Variants in URI1 observed in about 807,000 individuals in gnomAD.
URI1 encodes the protein unconventional prefoldin RPB5 interactor 1.
URI1 carries 39 observed loss-of-function variants against 60.2 expected under a neutral mutation model. That is an observed-to-expected ratio of 0.65 (90% CI 0.50 to 0.85). The LOEUF (loss-of-function observed/expected upper bound fraction) is 0.85, where lower values mean the gene tolerates loss of function less well. URI1 is among the 40% of genes least tolerant of loss of function. The probability of loss-of-function intolerance (pLI) is 0.00; values close to 1 mark genes in which losing one functional copy is unlikely to be tolerated. For synonymous variants in URI1, 251 were observed against 236.8 expected (o/e 1.06, Z -0.55); for missense variants, 691 against 665.9 (o/e 1.04, Z -0.42).
chr19:30,010,959 G>A (rs2056009764), intron 8 of URI1, 135 bp from the exon 9 acceptor site: 2 of 898,408 alleles, frequency 2.2e-6, no homozygotes, highest in African/African-American at 3.5e-5. Flanking sequence ...ATCTGATAAT[G>A]CACATCATTT....
At chr19:29,992,792 A>C (rs193026525) in intron 4 of URI1, among the ~76,000 whole-genome samples, 1 of 152,222 alleles carries the variant, frequency 6.6e-6, no homozygotes, top group Non-Finnish European at 1.5e-5. Flanking sequence ...TCTACAGTAT[A>C]GACAAGTTTT....
rs1223356331 is a variant in URI1, at chr19:29,964,504, G to A, written c.118-6689G>A. Among the ~76,000 whole-genome samples, 6 of 120,046 alleles carry A rather than the reference G, an allele frequency of 5.0e-5. No homozygotes were observed. In the Admixed American group the frequency reaches 6.1e-4, roughly 12 times the overall value. 78.8% of individuals were successfully genotyped at this position (120,046 alleles called of 152,430 possible). On this transcript the variant is annotated intron_variant, in intron 1 of 10. Transcript: ENST00000392271. Reference sequence around the variant, plus strand: ...TTTGAGACGGAGTTTTGCTCTCGTTGCCCAGGCTGGAGTGCAATGGCGTGA... The same window carrying A: ...TTTGAGACGGAGTTTTGCTCTCGTTACCCAGGCTGGAGTGCAATGGCGTGA...
rs1463853521 is a variant in URI1, at chr19:29,942,677, C to T, written c.117+13C>T. 1.4e-6 allele frequency: 2 copies of T among 1,385,782 alleles called. No homozygotes were observed. Among genetic ancestry groups the T allele is most frequent in the Non-Finnish European group, 9.3e-7 (1 of 1,071,818 alleles). The allele number at this position is 1,385,782 out of a possible 1,614,324, so 85.8% of individuals were successfully genotyped here. ...GGAGCAGGAAAAGGTAACTAGCAGC[C>T]CCGCGCCGCTTCCGCCTCCGCCCGC... On this transcript the variant is annotated intron_variant, in intron 1 of 10. Coordinates refer to ENST00000392271, the MANE Select transcript of URI1 (RefSeq NM_003796.3).
At chr19:30,006,411 TTAAGA>T (rs1422435813) in intron 6 of URI1, among the ~76,000 whole-genome samples, 1 of 152,132 alleles carries the variant, frequency 6.6e-6, no homozygotes, top group African/African-American at 2.4e-5. Context: ...TGATGAACTC[TTAAGA>T]TAACTTACTG....
chr19:30,002,055 G>A (rs1443433040), intron 4 of URI1, among the ~76,000 whole-genome samples: 1 of 151,926 alleles, frequency 6.6e-6, no homozygotes, highest in Non-Finnish European at 1.5e-5. Context: ...CAAAAGAAAC[G>A]AGGTTGAGAA....
chr19:29,923,898 G>A (rs2054843398), intron 1 of URI1: 1 of 835,592 alleles, frequency 1.2e-6, no homozygotes, highest in Non-Finnish European at 1.8e-6. Flanking sequence ...ACCTGGAAGA[G>A]GGGCTTTATA....
chr19:29,978,574 G>C (rs1456881055), intron 2 of URI1, among the ~76,000 whole-genome samples: 2 of 151,826 alleles, frequency 1.3e-5, no homozygotes, highest in Non-Finnish European at 2.9e-5. Flanking sequence ...TGTGAATATT[G>C]CAACAACCAC....
intron 8 of URI1, among the ~76,000 whole-genome samples, chr19:30,009,852 A>G (rs1240638549): frequency 6.6e-6 from 1 of 152,180 alleles, no homozygotes; most frequent in Non-Finnish European, 1.5e-5. Context: ...GTGGATAATC[A>G]TGACTTAGAA....
At chr19:29,974,109 A>G (rs183277181) in intron 2 of URI1, among the ~76,000 whole-genome samples, 1 of 152,098 alleles carries the variant, frequency 6.6e-6, no homozygotes, top group African/African-American at 2.4e-5. Flanking sequence ...CCTGTCATTT[A>G]CTAGCGTTTT....
intron 4 of URI1, 136 bp downstream of exon 4, chr19:29,986,553 G>T: frequency 8.7e-7 from 1 of 1,151,698 alleles, no homozygotes; most frequent in Non-Finnish European, 1.2e-6. Context: ...CTGTTGAATT[G>T]TAGGTAGTTT....
intron 8 of URI1, 106 bp downstream of exon 8, chr19:30,009,459 GC>G: frequency 9.0e-7 from 1 of 1,107,132 alleles, no homozygotes; most frequent in Non-Finnish European, 1.3e-6. Flanking sequence ...TGTGGATAGT[GC>G]CAGACAGGAA....
At position 29,971,239 on chromosome 19, in the gene URI1, A is replaced by G; in HGVS notation, c.152+12A>G. On this transcript the variant is annotated intron_variant, in intron 2 of 10. Transcript: ENST00000392271. ...AGAATCCAGCATTGGTGAGTGAAAG[A>G]TGGTTTTATTACACTTCTGAAATAC... 1 of 1,612,928 alleles carries G rather than the reference A, an allele frequency of 6.2e-7. No individual in the cohort carries two copies. Among genetic ancestry groups the G allele is most frequent in the South Asian group, 1.1e-5 (1 of 91,014 alleles).
chr19:29,991,366 T>C (rs933370453), intron 4 of URI1, among the ~76,000 whole-genome samples: 1 of 152,198 alleles, frequency 6.6e-6, no homozygotes, highest in Admixed American at 6.5e-5. Flanking sequence ...TTTGTGGAGC[T>C]GTTGTAAATG....
At chr19:29,938,312 C>T (rs1224206579), upstream of URI1, among the ~76,000 whole-genome samples, 1 of 152,064 alleles carries the variant, frequency 6.6e-6, no homozygotes, top group Non-Finnish European at 1.5e-5. Context: ...CGTCACATGG[C>T]AAGTGGAAGT....
Position 29,985,233 on chromosome 19 carries a change from G to C in URI1, c.163G>C (p.Asp55His). The C allele has an allele frequency of 1.3e-6, 2 of 1,529,282 alleles. No homozygotes were observed. Among genetic ancestry groups the C allele is most frequent in the Non-Finnish European group, 8.9e-7 (1 of 1,129,540 alleles). 94.7% of individuals were successfully genotyped at this position (1,529,282 alleles called of 1,614,324 possible). Reference sequence around the variant, plus strand: ...GTTTTCTGTCAACAGGAAGAAGGTAGATAATGACTATAATGCCCTTCGAGA... The same window carrying C: ...GTTTTCTGTCAACAGGAAGAAGGTACATAATGACTATAATGCCCTTCGAGA... ...QERIQHWKKV[D>H]NDYNALRERL... The change falls in exon 3 of 11, where the codon GAT becomes CAT. Residue 55 changes from aspartate (D) to histidine (H), a missense_variant. Physicochemically the swap from Asp to His is moderately conservative, Grantham distance 81 (BLOSUM62 -1). Coordinates refer to ENST00000392271, the MANE Select transcript of URI1 (RefSeq NM_003796.3).
At chr19:29,945,290 G>A (rs1172622662) in intron 1 of URI1, among the ~76,000 whole-genome samples, 8 of 152,190 alleles carry the variant, frequency 5.3e-5, no homozygotes, top group African/African-American at 1.9e-4. Context: ...GGGCTGGTAG[G>A]TAATGTGGCT....
In URI1 at chr19:29,945,370, G is replaced by A. The variant is rs1044219112; in HGVS notation, c.117+2706G>A. On this transcript the variant is annotated intron_variant, in intron 1 of 10. Transcript: ENST00000392271. ...AGCTAAGGAGTATAACAAGTTTTAC[G>A]CTCTCTCTCTCTTTTTTTCTTGTAT... Among the ~76,000 whole-genome samples the A allele has an allele frequency of 3.9e-5, 6 of 151,946 alleles. No homozygotes were observed. In the East Asian group the frequency reaches 7.7e-4, roughly 20 times the overall value.
rs1035610573 is a variant in URI1, at chr19:30,016,108, A to G, written c.*1039A>G. ...GCATTAGTACTAAAATAAGCCATCA[A>G]TGCCAGTCCACCCTCTCTATTCATG... On this transcript the variant is annotated 3_prime_UTR_variant, in exon 11 of 11. Transcript: ENST00000392271. The G allele has an allele frequency of 6.6e-6, 1 of 152,302 alleles. No individual in the cohort carries two copies. Among genetic ancestry groups the G allele is most frequent in the Non-Finnish European group, 1.5e-5 (1 of 68,102 alleles). 9.4% of individuals were successfully genotyped at this position (152,302 alleles called of 1,614,324 possible).
At chr19:29,961,697 T>C (rs2055327667) in intron 1 of URI1, among the ~76,000 whole-genome samples, 1 of 149,154 alleles carries the variant, frequency 6.7e-6, no homozygotes. Context: ...TTTTGTTGTT[T>C]GTTTTGAGAT....
Sources: gnomAD v4.1 joint callset for allele counts (sites outside exome capture counted in the v4.1 genomes callset) on GRCh38, gnomAD v4.1.1 for gene constraint, MANE v1.5 for transcripts, NCBI Gene and HGNC (gene_info 2026-07-23, HGNC 2026-07-21) for gene names.